DIRAS2: variants seen among roughly 807,000 people sequenced by gnomAD.
The protein encoded by DIRAS2 is GTP-binding protein Di-Ras2.
Under a neutral mutation model 13.9 loss-of-function variants are expected in DIRAS2, and 5 were observed. The observed-to-expected ratio is 0.36, with a 90% CI of 0.19 to 0.76. The LOEUF (loss-of-function observed/expected upper bound fraction) is 0.76. Among genes scored for constraint, DIRAS2 ranks in the 30% least tolerant of loss-of-function variants. The pLI is 0.53. For synonymous variants in DIRAS2, 111 were observed against 105.4 expected, an observed-to-expected ratio of 1.05 and a Z score of -0.33; for missense variants, 191 against 263.0, an observed-to-expected ratio of 0.73 and a Z score of 1.89.
rs762413608 is a variant in DIRAS2, at chr9:90,613,145, A to C, written c.*83T>G. On this transcript the variant is annotated 3_prime_UTR_variant, in exon 2 of 2. Transcript: ENST00000375765. This position sits in a 1 kb window ranked among gnomAD's most constrained non-coding sequence, Gnocchi z 5.6. ...AATGTTTAACACGTGGGCATTATAC[A>C]TGCTACCCTGACGACGGTGGGTGTC... The C allele has an allele frequency of 3.2e-6, 5 of 1,543,574 alleles. No individual in the cohort carries two copies. Among genetic ancestry groups the C allele is most frequent in the Non-Finnish European group, 3.5e-6 (4 of 1,145,692 alleles).
chr9:90,630,876 G>A (rs7028171), intron 1 of DIRAS2, among the ~76,000 whole-genome samples: 29,004 of 152,076 alleles, frequency 0.19, 3,483 homozygotes, highest in Non-Finnish European at 0.28. Context: ...TTTGGAAAGG[G>A]ACATATAAAA....
At chr9:90,638,252 G>A (rs1369270884) in intron 1 of DIRAS2, among the ~76,000 whole-genome samples, 2 of 152,070 alleles carry the variant, frequency 1.3e-5, no homozygotes, top group African/African-American at 2.4e-5. Flanking sequence ...TTTAAAGAAT[G>A]GAAGAACAAA....
intron 1 of DIRAS2, among the ~76,000 whole-genome samples, chr9:90,640,938 T>C (rs763424685): frequency 2.0e-5 from 3 of 152,324 alleles, no homozygotes; most frequent in African/African-American, 7.2e-5. Flanking sequence ...CAATACTTTT[T>C]ATTATCACAG....
intron 1 of DIRAS2, among the ~76,000 whole-genome samples, chr9:90,628,965 C>G (rs1178468960): frequency 1.3e-5 from 2 of 152,202 alleles, no homozygotes; most frequent in Non-Finnish European, 2.9e-5. Flanking sequence ...CGCCATTCTC[C>G]TGCTTCAGCC....
chr9:90,641,708 T>C (rs1304830962), intron 1 of DIRAS2, among the ~76,000 whole-genome samples: 2 of 152,274 alleles, frequency 1.3e-5, no homozygotes, highest in South Asian at 2.1e-4. Context: ...ATGGAGCACA[T>C]TGTGACTGAT....
chr9:90,638,936 A>G (rs1476392394), intron 1 of DIRAS2, among the ~76,000 whole-genome samples: 1 of 152,158 alleles, frequency 6.6e-6, no homozygotes, highest in Non-Finnish European at 1.5e-5. Flanking sequence ...TCCTCCTTCA[A>G]AGGCTCCTTT....
chr9:90,640,199 A>G (rs567195772), intron 1 of DIRAS2, among the ~76,000 whole-genome samples: 3 of 152,252 alleles, frequency 2.0e-5, no homozygotes, highest in Non-Finnish European at 4.4e-5. Flanking sequence ...TAAACTGTGC[A>G]TATGACTCAC....
chr9:90,613,414 G>A lies in DIRAS2; in HGVS notation c.414C>T (p.Ala138=), dbSNP rs2231776. 2.9e-3 allele frequency: 4,613 copies of A among 1,614,140 alleles called. 120 individuals are homozygous for A. In the African/African-American group the frequency reaches 0.054, roughly 19 times the overall value. The change falls in exon 2 of 2, where the codon GCC becomes GCT. Residue 138 remains alanine, a synonymous_variant. Transcript: ENST00000375765. The surrounding 1 kb of genome is among the most constrained non-coding windows in gnomAD (Gnocchi z 5.6). The part of the protein sequence containing the change: ...SREVQSSEAE[A]LARTWKCAFM... ...AGGCACACTTCCATGTGCGGGCCAA[G>A]GCCTCCGCCTCGCTGCTCTGCACCT...
At chr9:90,625,830 T>A (rs1309376939) in intron 1 of DIRAS2, 1 of 152,182 alleles carries the variant, frequency 6.6e-6, no homozygotes, top group East Asian at 1.9e-4. Flanking sequence ...ATAGATAAAT[T>A]AGGCTTCATC....
At chr9:90,622,014 G>A (rs569863958) in intron 1 of DIRAS2, among the ~76,000 whole-genome samples, 1 of 152,196 alleles carries the variant, frequency 6.6e-6, no homozygotes, top group Non-Finnish European at 1.5e-5. Context: ...GCATTTAGGA[G>A]GCTGAGGCAG....
chr9:90,617,841 G>C (rs1825183568), intron 1 of DIRAS2, among the ~76,000 whole-genome samples: 1 of 152,128 alleles, frequency 6.6e-6, no homozygotes, highest in Admixed American at 6.5e-5. Context: ...GCATCAAAAA[G>C]AGTAAGATAC....
At chr9:90,620,343 T>G (rs374450838) in intron 1 of DIRAS2, among the ~76,000 whole-genome samples, 5 of 152,304 alleles carry the variant, frequency 3.3e-5, no homozygotes, top group African/African-American at 1.2e-4. Context: ...GACCTCAGCT[T>G]TATTCCTACT....
chr9:90,626,468 C>T (rs978931298), intron 1 of DIRAS2, among the ~76,000 whole-genome samples: 17 of 145,602 alleles, frequency 1.2e-4, no homozygotes, highest in African/African-American at 4.2e-4. Flanking sequence ...AGACAAGAAA[C>T]TTGAATAGAT....
chr9:90,620,619 C>T (rs1423392013), intron 1 of DIRAS2, among the ~76,000 whole-genome samples: 5 of 151,764 alleles, frequency 3.3e-5, no homozygotes, highest in African/African-American at 1.2e-4. Context: ...TTACCCAGGC[C>T]TTGTTGTGTG....
intron 1 of DIRAS2, among the ~76,000 whole-genome samples, chr9:90,625,660 T>C (rs1825261730): frequency 6.6e-6 from 1 of 152,258 alleles, no homozygotes; most frequent in Non-Finnish European, 1.5e-5. Flanking sequence ...CTTTCAATTC[T>C]ATCCCATTGC....
chr9:90,629,531 A>C, intron 1 of DIRAS2, among the ~76,000 whole-genome samples: 1 of 152,062 alleles, frequency 6.6e-6, no homozygotes, highest in East Asian at 1.9e-4. Context: ...ACATATAGAA[A>C]AAAAAAAAAC....
chr9:90,618,628 T>C (rs1357355051), intron 1 of DIRAS2, among the ~76,000 whole-genome samples: 1 of 152,168 alleles, frequency 6.6e-6, no homozygotes, highest in African/African-American at 2.4e-5. Flanking sequence ...GTGAGTATTG[T>C]TATAAATCAT....
At chr9:90,631,971 T>C (rs910798154) in intron 1 of DIRAS2, among the ~76,000 whole-genome samples, 10 of 152,232 alleles carry the variant, frequency 6.6e-5, no homozygotes, top group African/African-American at 1.9e-4. Context: ...TGTTCTCTTA[T>C]ACTTCAAGTC....
At chr9:90,626,315 C>T (rs993985063) in intron 1 of DIRAS2, 2 of 151,946 alleles carry the variant, frequency 1.3e-5, no homozygotes, top group Non-Finnish European at 2.9e-5. Context: ...AACTAAAAAA[C>T]CAACAAAGAA....
Sources: allele counts gnomAD v4.1 joint callset (sites outside exome capture counted in the v4.1 genomes callset), GRCh38; gene constraint gnomAD v4.1.1; non-coding constraint Gnocchi (gnomAD v3.1); transcripts MANE v1.5; gene names NCBI Gene and HGNC (gene_info 2026-07-23, HGNC 2026-07-21).